DNAJB11: variants seen among roughly 807,000 people sequenced by gnomAD.
DNAJB11 encodes dnaJ homolog subfamily B member 11.
Under a neutral mutation model 47.2 loss-of-function variants are expected in DNAJB11, and 30 were observed. That is an observed-to-expected ratio of 0.64 (90% CI 0.48 to 0.86). The LOEUF (loss-of-function observed/expected upper bound fraction) is 0.86, where lower values mean the gene tolerates loss of function less well. DNAJB11 is among the 40% of genes least tolerant of loss of function. DNAJB11 has a pLI of 0.00. For missense variants in DNAJB11, 357 were observed against 440.2 expected, an observed-to-expected ratio of 0.81 and a Z score of 1.69; for synonymous variants, 151 against 159.9, an observed-to-expected ratio of 0.94 and a Z score of 0.42.
At chr3:186,577,628 ATTT>A (rs11386781) in intron 3 of DNAJB11, 37 bp from the exon 4 acceptor site, 16 of 1,294,026 alleles carry the variant, frequency 1.2e-5, no homozygotes, top group South Asian at 5.0e-5. Flanking sequence ...TAGAGTCTTG[ATTT>A]TTTTTTTTTT....
intron 1 of DNAJB11, among the ~76,000 whole-genome samples, chr3:186,571,674 C>T (rs1715061879): frequency 6.6e-6 from 1 of 152,120 alleles, no homozygotes; most frequent in Admixed American, 6.5e-5. Flanking sequence ...GGAAAATCAT[C>T]CTTTGAGAGT....
intron 2 of DNAJB11, among the ~76,000 whole-genome samples, chr3:186,574,835 G>A (rs978849586): frequency 3.3e-5 from 5 of 152,194 alleles, no homozygotes; most frequent in African/African-American, 1.2e-4. Context: ...CACCATGAGT[G>A]TGGTTTTGAA....
chr3:186,581,177 G>T, intron 4 of DNAJB11, 194 bp from the exon 5 acceptor site: 2 of 517,236 alleles, frequency 3.9e-6, no homozygotes. Context: ...ATTTAAGTAT[G>T]TGTTTGCTTC....
At chr3:186,581,326 T>C (rs1715476447) in intron 4 of DNAJB11, 45 bp from the exon 5 acceptor site, 1 of 1,605,362 alleles carries the variant, frequency 6.2e-7, no homozygotes, top group Non-Finnish European at 8.5e-7. Flanking sequence ...AAGGAAAGGC[T>C]GTTTTACACA....
chr3:186,572,197 C>T lies in DNAJB11; in HGVS notation c.171C>T (p.Asn57=). 3 of 1,613,956 alleles carry T rather than the reference C, an allele frequency of 1.9e-6. No homozygotes were observed. The highest frequency in any genetic ancestry group is 1.3e-5 in the African/African-American group (1 of 75,008). The change falls in exon 2 of 10, where the codon AAC becomes AAT. Residue 57 remains asparagine, a synonymous_variant. Coordinates refer to ENST00000265028, the MANE Select transcript of DNAJB11 (RefSeq NM_016306.6). ...CCCTGCAGCTTCATCCCGACCGGAACCCTGATGATCCACAAGCCCAGGAGA... is the reference window on the plus strand; with the variant it reads ...CCCTGCAGCTTCATCCCGACCGGAATCCTGATGATCCACAAGCCCAGGAGA... ...KLALQLHPDR[N]PDDPQAQEKF... is the part of the protein sequence containing the mutation.
In DNAJB11 at chr3:186,570,805, G is replaced by GCT. The variant is rs1334849427; in HGVS notation, c.-92_-91insTC. 1.6e-6 allele frequency: 2 copies of GCT among 1,225,200 alleles called. No individual in the cohort carries two copies. Among genetic ancestry groups the GCT allele is most frequent in the Admixed American group, 4.3e-5 (2 of 46,126 alleles). 75.9% of individuals were successfully genotyped at this position (1,225,200 alleles called of 1,614,324 possible). Reference sequence around the variant, plus strand: ...GACCCCCGCGCCCCCCCGGTGTGAGGCGGCCTCACAGGGCCGGGTGGGCTG... The same window carrying GCT: ...GACCCCCGCGCCCCCCCGGTGTGAGGCTCGGCCTCACAGGGCCGGGTGGGCTG... On this transcript the variant is annotated 5_prime_UTR_variant, in exon 1 of 10. Transcript: ENST00000265028.
intron 3 of DNAJB11, among the ~76,000 whole-genome samples, chr3:186,576,660 A>G (rs561174712): frequency 6.6e-6 from 1 of 152,248 alleles, no homozygotes; most frequent in African/African-American, 2.4e-5. Flanking sequence ...ACTGTTGCAT[A>G]TAGTAGTTAC....
At chr3:186,577,927 T>C (rs1715356443) in intron 4 of DNAJB11, 127 bp downstream of exon 4, 11 of 714,678 alleles carry the variant, frequency 1.5e-5, no homozygotes, top group East Asian at 1.2e-4. Context: ...ATGCACAAAA[T>C]TGAATTAATT....
intron 7 of DNAJB11, among the ~76,000 whole-genome samples, chr3:186,583,545 C>G (rs1044819775): frequency 5.3e-5 from 8 of 152,208 alleles, no homozygotes; most frequent in African/African-American, 1.9e-4. Context: ...CCAACTTAGT[C>G]TTGTGAGCCC....
chr3:186,578,967 A>C (rs1715392359), intron 4 of DNAJB11: 1 of 152,242 alleles, frequency 6.6e-6, no homozygotes, highest in African/African-American at 2.4e-5. Flanking sequence ...TTGTAATCTC[A>C]GCTACTCAGG....
rs1467037602 is a variant in DNAJB11, at chr3:186,585,327, GTTCA to G, written c.1013-13_1013-10del. On this transcript the variant is annotated splice_polypyrimidine_tract_variant and intron_variant, in intron 9 of 9. Transcript: ENST00000265028. ...CATTTTTTTGTTAATGGAGTCATTT[GTTCA>G]TTCTTTCTTCAGGTATCAAACAGCT... 1.9e-6 allele frequency: 3 copies of G among 1,605,818 alleles called. No homozygotes were observed. The highest frequency in any genetic ancestry group is 1.3e-5 in the African/African-American group (1 of 74,668).
intron 2 of DNAJB11, among the ~76,000 whole-genome samples, chr3:186,573,375 G>A (rs1319073956): frequency 6.6e-6 from 1 of 151,896 alleles, no homozygotes; most frequent in African/African-American, 2.4e-5. Context: ...GGATCCTATG[G>A]GGCAGAAATT....
chr3:186,570,776 A>T lies in DNAJB11; in HGVS notation c.-122A>T. 1 of 862,300 alleles carries T rather than the reference A, an allele frequency of 1.2e-6. No homozygotes were observed. Among genetic ancestry groups the T allele is most frequent in the South Asian group, 1.6e-5 (1 of 64,468 alleles). 53.4% of individuals were successfully genotyped at this position (862,300 alleles called of 1,614,324 possible). ...GCTAGCTAGCTGTCTCTGCGGACCAAGGAGACCCCCGCGCCCCCCCGGTGT... is the reference window on the plus strand; with the variant it reads ...GCTAGCTAGCTGTCTCTGCGGACCATGGAGACCCCCGCGCCCCCCCGGTGT... On this transcript the variant is annotated 5_prime_UTR_variant, in exon 1 of 10. The change creates a new upstream start codon in the 5' untranslated region. Transcript: ENST00000265028.
intron 3 of DNAJB11, among the ~76,000 whole-genome samples, chr3:186,576,841 C>T (rs189131484): frequency 6.6e-6 from 1 of 152,308 alleles, no homozygotes. Flanking sequence ...CCCCAGCCCC[C>T]ACCCTGTTCT....
intron 1 of DNAJB11, 67 bp downstream of exon 1, chr3:186,571,032 T>TG: frequency 6.4e-5 from 13 of 201,992 alleles, no homozygotes; most frequent in Admixed American, 9.1e-5. Flanking sequence ...TGGGAGGGGG[T>TG]GGGGGAAGTG....
At chr3:186,582,648 A>G in intron 6 of DNAJB11, 68 bp from the exon 7 acceptor site, 1 of 1,301,988 alleles carries the variant, frequency 7.7e-7, no homozygotes, top group Non-Finnish European at 1.1e-6. Context: ...AAAATGTATC[A>G]GTTGCCAAAT....
intron 4 of DNAJB11, 70 bp from the exon 5 acceptor site, chr3:186,581,301 T>A (rs546812156): frequency 4.5e-6 from 7 of 1,568,014 alleles, no homozygotes; most frequent in Non-Finnish European, 6.1e-6. Context: ...GTGCAGAGCC[T>A]TGATCAATTG....
At chr3:186,571,246 T>TG (rs1297840470) in intron 1 of DNAJB11, among the ~76,000 whole-genome samples, 93 of 152,142 alleles carry the variant, frequency 6.1e-4, no homozygotes, top group African/African-American at 2.1e-3. Flanking sequence ...AAACGGCATT[T>TG]GGGGGATGAG....
chr3:186,576,307 G>C (rs1281658898), intron 3 of DNAJB11, among the ~76,000 whole-genome samples: 1 of 152,276 alleles, frequency 6.6e-6, no homozygotes, highest in South Asian at 2.1e-4. Context: ...CCCATACCCA[G>C]AGCTGCCTCT....
Sources: gnomAD v4.1 joint callset for allele counts (sites outside exome capture counted in the v4.1 genomes callset) on GRCh38, gnomAD v4.1.1 for gene constraint, MANE v1.5 for transcripts, NCBI Gene and HGNC (gene_info 2026-07-23, HGNC 2026-07-21) for gene names.